The following PCDH15 variants were observed in gnomAD, a reference collection of about 807,000 sequenced individuals.
PCDH15 encodes protocadherin-15.
In PCDH15, 129 loss-of-function variants were observed where a neutral mutation model predicts 178.5. The observed-to-expected ratio is 0.72, with a 90% CI of 0.63 to 0.84. The LOEUF is 0.84. PCDH15 is among the 40% of genes least tolerant of loss of function. The probability of loss-of-function intolerance (pLI) is 0.00; values close to 1 mark genes in which losing one functional copy is unlikely to be tolerated. For synonymous variants in PCDH15, 800 were observed against 732.0 expected, an observed-to-expected ratio of 1.09 and a Z score of -1.50; for missense variants, 2,230 against 2,099.9, an observed-to-expected ratio of 1.06 and a Z score of -1.21.
chr10:54,138,514 G>A (rs1196625669), intron 14 of PCDH15, among the ~76,000 whole-genome samples: 1 of 152,134 alleles, frequency 6.6e-6, no homozygotes, highest in Non-Finnish European at 1.5e-5. Flanking sequence ...CTGAAACACT[G>A]TTTGGCTCCA....
chr10:55,377,805 C>A (rs912277508), intron 2 of PCDH15, among the ~76,000 whole-genome samples: 4 of 152,078 alleles, frequency 2.6e-5, no homozygotes, highest in African/African-American at 9.7e-5. Flanking sequence ...TTGGAACCAA[C>A]CCAAGTGCCC....
chr10:54,537,104 G>T (rs1477924305), intron 2 of PCDH15, among the ~76,000 whole-genome samples: 1 of 144,744 alleles, frequency 6.9e-6, no homozygotes, highest in African/African-American at 2.6e-5. Context: ...GTTCACGCCA[G>T]TCTTCTGCCT....
chr10:55,627,718 C>T (rs938738333), exon 2 of PCDH15: 3 of 152,178 alleles, frequency 2.0e-5, no homozygotes, highest in African/African-American at 7.2e-5. Context: ...GAGCTTAGGT[C>T]CCGCAGAGAG....
chr10:55,167,057 T>G (rs1401245550), intron 1 of PCDH15, among the ~76,000 whole-genome samples: 1 of 152,156 alleles, frequency 6.6e-6, no homozygotes, highest in African/African-American at 2.4e-5. Flanking sequence ...GTGTACATAT[T>G]CAAGACAATT....
At chr10:53,979,879 T>C (rs1200958003) in intron 21 of PCDH15, among the ~76,000 whole-genome samples, 1 of 152,110 alleles carries the variant, frequency 6.6e-6, no homozygotes, top group African/African-American at 2.4e-5. Context: ...CGTATAGTAA[T>C]TGTGTTATAT....
At chr10:54,075,702 T>C (rs368997295) in intron 17 of PCDH15, among the ~76,000 whole-genome samples, 1 of 152,212 alleles carries the variant, frequency 6.6e-6, no homozygotes, top group East Asian at 1.9e-4. Flanking sequence ...AAGGTCCAAC[T>C]TCATTCGTTT....
chr10:54,991,404 G>C (rs940020293), intron 2 of PCDH15, among the ~76,000 whole-genome samples: 1 of 152,188 alleles, frequency 6.6e-6, no homozygotes, highest in South Asian at 2.1e-4. Flanking sequence ...AAAGAGAAAA[G>C]CTGGGCATGT....
chr10:54,354,988 C>G (rs1296384197), intron 5 of PCDH15, among the ~76,000 whole-genome samples: 1 of 151,882 alleles, frequency 6.6e-6, no homozygotes, highest in Non-Finnish European at 1.5e-5. Context: ...CACCACAAAG[C>G]TGAAGTCTCA....
intron 3 of PCDH15, among the ~76,000 whole-genome samples, chr10:54,477,560 C>G (rs16906167): frequency 0.09 from 13,710 of 152,198 alleles, 790 homozygotes; most frequent in East Asian, 0.27. Context: ...TCTTATAAAG[C>G]ATGTGTGTTG....
intron 26 of PCDH15, among the ~76,000 whole-genome samples, chr10:53,870,610 T>A (rs2079770308): frequency 6.6e-6 from 1 of 152,180 alleles, no homozygotes; most frequent in South Asian, 2.1e-4. Context: ...ATTTAAACAG[T>A]GACTGATGAA....
intron 2 of PCDH15, among the ~76,000 whole-genome samples, chr10:54,656,902 A>G (rs1421158525): frequency 6.6e-6 from 1 of 152,152 alleles, no homozygotes; most frequent in East Asian, 1.9e-4. Context: ...CAGAGGCTCT[A>G]CCAGTTAAAG....
intron 2 of PCDH15, among the ~76,000 whole-genome samples, chr10:55,154,524 T>C (rs1838830426): frequency 6.6e-6 from 1 of 152,132 alleles, no homozygotes; most frequent in Non-Finnish European, 1.5e-5. Flanking sequence ...GCTTAGTACT[T>C]GGTTAACAGT....
rs556069358 is a variant in PCDH15 at position 54,825,952 on chromosome 10, T to A, written c.-29+71498A>T. 3.9e-5 allele frequency among the ~76,000 whole-genome samples: 6 copies of A among 152,194 alleles called. No individual in the cohort carries two copies. In the South Asian group the frequency reaches 1.2e-3, roughly 32 times the overall value. ...TATGCATACAGCCTCTAATACTGAG[T>A]GATTCCTTGAATATGTAAGTCCATT... On this transcript the variant is annotated intron_variant, in intron 3 of 5. Transcript: ENST00000458638.
At chr10:54,768,052 G>A (rs542684433) in intron 1 of PCDH15, among the ~76,000 whole-genome samples, 1 of 152,096 alleles carries the variant, frequency 6.6e-6, no homozygotes, top group Non-Finnish European at 1.5e-5. Flanking sequence ...GGGGTCATAC[G>A]GGGATTTTCT....
At chr10:54,975,424 T>C (rs1839045416) in intron 2 of PCDH15, among the ~76,000 whole-genome samples, 1 of 152,186 alleles carries the variant, frequency 6.6e-6, no homozygotes, top group Non-Finnish European at 1.5e-5. Context: ...TTTATTGATA[T>C]TTCTTTCCAT....
chr10:54,703,212 T>C (rs925589421), intron 1 of PCDH15, among the ~76,000 whole-genome samples: 6 of 152,016 alleles, frequency 3.9e-5, no homozygotes, highest in African/African-American at 9.7e-5. Flanking sequence ...AAATAAGGCA[T>C]TGAGTAAACA....
chr10:55,324,366 G>A (rs923982404), upstream of PCDH15, among the ~76,000 whole-genome samples: 4 of 152,028 alleles, frequency 2.6e-5, no homozygotes, highest in South Asian at 4.1e-4. Flanking sequence ...GCAATGACAC[G>A]CATAGACTCA....
intron 10 of PCDH15, among the ~76,000 whole-genome samples, chr10:54,196,593 C>T (rs886869532): frequency 6.6e-6 from 1 of 152,104 alleles, no homozygotes; most frequent in African/African-American, 2.4e-5. Context: ...ACTATCGTAT[C>T]GACTTTGTCT....
intron 2 of PCDH15, among the ~76,000 whole-genome samples, chr10:55,145,108 C>T (rs4935580): frequency 0.53 from 80,378 of 151,852 alleles, 21,700 homozygotes; most frequent in South Asian, 0.65. Context: ...CATTTTAACA[C>T]ATTATTCTTT....
Sources: allele counts gnomAD v4.1 joint callset (sites outside exome capture counted in the v4.1 genomes callset), GRCh38; gene constraint gnomAD v4.1.1; transcripts MANE v1.5; gene names NCBI Gene and HGNC (gene_info 2026-07-23, HGNC 2026-07-21).